SYNPR: variants seen among roughly 807,000 people sequenced by gnomAD.
SYNPR encodes the protein synaptoporin.
Under a neutral mutation model 32.9 loss-of-function variants are expected in SYNPR, and 23 were observed. The ratio of observed to expected loss-of-function variants is 0.70; its 90% confidence interval spans 0.50 to 0.99. SYNPR has a LOEUF of 0.99. Among genes scored for constraint, SYNPR ranks in the 50% least tolerant of loss-of-function variants. The probability of loss-of-function intolerance (pLI) is 0.00; values close to 1 mark genes in which losing one functional copy is unlikely to be tolerated. For synonymous variants in SYNPR, 146 were observed against 135.9 expected (o/e 1.07, Z -0.52); for missense variants, 318 against 349.3 (o/e 0.91, Z 0.71).
chr3:63,298,026 G>A (rs767915339), intron 2 of SYNPR, among the ~76,000 whole-genome samples: 14 of 152,150 alleles, frequency 9.2e-5, no homozygotes, highest in Non-Finnish European at 1.5e-4. Flanking sequence ...ATAGGAAAGC[G>A]GGCTAGGGAA....
At chr3:63,476,295 G>A (rs1205512067) in intron 2 of SYNPR, among the ~76,000 whole-genome samples, 2 of 76,258 alleles carry the variant, frequency 2.6e-5, no homozygotes, top group Non-Finnish European at 5.5e-5. Flanking sequence ...GAAGGGAAGG[G>A]AGGGAAGGAA....
At chr3:63,432,066 T>A (rs527603265) in intron 2 of SYNPR, among the ~76,000 whole-genome samples, 2 of 151,798 alleles carry the variant, frequency 1.3e-5, no homozygotes, top group Non-Finnish European at 2.9e-5. Flanking sequence ...GAGAAAGGAG[T>A]TGGAGGATAA....
At chr3:63,217,568 C>T in the SYNPR span, among the ~76,000 whole-genome samples, 3 of 132,652 alleles carry the variant, frequency 2.3e-5, no homozygotes, top group Non-Finnish European at 3.3e-5. Flanking sequence ...TGCTTCGGCT[C>T]GCGCACGGTG....
At chr3:63,505,334 G>A (rs566565531) in intron 3 of SYNPR, among the ~76,000 whole-genome samples, 27 of 152,152 alleles carry the variant, frequency 1.8e-4, no homozygotes, top group Non-Finnish European at 3.4e-4. Flanking sequence ...AGTAAATTTT[G>A]GAATGAGGTT....
intron 2 of SYNPR, among the ~76,000 whole-genome samples, chr3:63,464,476 T>C (rs891818772): frequency 6.6e-6 from 1 of 152,202 alleles, no homozygotes; most frequent in Non-Finnish European, 1.5e-5. Flanking sequence ...TTTTTTCTAC[T>C]TCCTCAAATA....
At chr3:63,371,226 C>A (rs912267186) in intron 2 of SYNPR, among the ~76,000 whole-genome samples, 2 of 152,024 alleles carry the variant, frequency 1.3e-5, no homozygotes, top group East Asian at 1.9e-4. Context: ...GGAGATCCCC[C>A]TGTGAGCCCA....
At chr3:63,296,348 G>C (rs62251351) in intron 2 of SYNPR, among the ~76,000 whole-genome samples, 18,684 of 152,186 alleles carry the variant, frequency 0.12, 1,256 homozygotes, top group Non-Finnish European at 0.16. Context: ...CTGAATTCTG[G>C]ACGTGGCCCA....
intron 2 of SYNPR, among the ~76,000 whole-genome samples, chr3:63,310,949 T>C (rs577158070): frequency 6.6e-6 from 1 of 152,044 alleles, no homozygotes; most frequent in Admixed American, 6.6e-5. Context: ...CTGTTCCCTG[T>C]ACTCTCAGTG....
chr3:63,282,531 T>A (rs72880112), intron 2 of SYNPR, among the ~76,000 whole-genome samples: 3 of 151,990 alleles, frequency 2.0e-5, no homozygotes, highest in East Asian at 1.9e-4. Context: ...AAAAGAAATT[T>A]AAAAAATTAG....
chr3:63,368,202 G>A (rs2087750755), intron 2 of SYNPR, among the ~76,000 whole-genome samples: 1 of 152,190 alleles, frequency 6.6e-6, no homozygotes. Flanking sequence ...TGAGAACTAT[G>A]CACGTTTCAT....
chr3:63,559,571 T>TA (rs1702649717), intron 4 of SYNPR, among the ~76,000 whole-genome samples: 1 of 152,188 alleles, frequency 6.6e-6, no homozygotes, highest in Non-Finnish European at 1.5e-5. Flanking sequence ...TTTTGAAGGA[T>TA]AACTGGGAGA....
chr3:63,391,334 T>G (rs1401661134), intron 2 of SYNPR, among the ~76,000 whole-genome samples: 1 of 152,216 alleles, frequency 6.6e-6, no homozygotes, highest in East Asian at 1.9e-4. Context: ...TATTTTGGCT[T>G]CCAAAGGATG....
At chr3:63,588,266 G>C (rs1373118131) in intron 4 of SYNPR, among the ~76,000 whole-genome samples, 2 of 152,072 alleles carry the variant, frequency 1.3e-5, no homozygotes, top group Non-Finnish European at 2.9e-5. Flanking sequence ...TTGTTCGGTT[G>C]ATGAGAAAAC....
chr3:63,330,259 T>C (rs572067406), intron 2 of SYNPR: 1 of 152,308 alleles, frequency 6.6e-6, no homozygotes, highest in Non-Finnish European at 1.5e-5. Context: ...CTGGAATACA[T>C]GACTTCAAGG....
intron 2 of SYNPR, among the ~76,000 whole-genome samples, chr3:63,472,118 T>C (rs990688051): frequency 1.3e-5 from 2 of 152,222 alleles, no homozygotes; most frequent in Non-Finnish European, 2.9e-5. Flanking sequence ...AGATGCTTCA[T>C]GTAGCCCTCA....
At chr3:63,502,584 T>C (rs1366733998) in intron 3 of SYNPR, among the ~76,000 whole-genome samples, 1 of 152,154 alleles carries the variant, frequency 6.6e-6, no homozygotes, top group Non-Finnish European at 1.5e-5. Flanking sequence ...TGACAACCAT[T>C]GATGCTTTTT....
chr3:63,359,675 T>C (rs2087631045), intron 2 of SYNPR, among the ~76,000 whole-genome samples: 1 of 152,174 alleles, frequency 6.6e-6, no homozygotes. Context: ...AGCAGCTCTG[T>C]AGTATTCTGA....
intron 3 of SYNPR, among the ~76,000 whole-genome samples, chr3:63,506,114 T>C (rs1701582222): frequency 6.7e-6 from 1 of 150,278 alleles, no homozygotes; most frequent in Admixed American, 6.6e-5. Flanking sequence ...TCCTTGCTTT[T>C]TTCCTTCTCT....
At chr3:63,588,776 A>G (rs990122801) in intron 4 of SYNPR, among the ~76,000 whole-genome samples, 6 of 152,124 alleles carry the variant, frequency 3.9e-5, no homozygotes, top group Non-Finnish European at 7.4e-5. Flanking sequence ...ACCAGGGTCC[A>G]GAAAGGCAGG....
Sources: allele counts gnomAD v4.1 joint callset (sites outside exome capture counted in the v4.1 genomes callset), GRCh38; gene constraint gnomAD v4.1.1; transcripts MANE v1.5; gene names NCBI Gene and HGNC (gene_info 2026-07-23, HGNC 2026-07-21).